The following WWOX variants were observed in gnomAD, a reference collection of about 807,000 sequenced individuals.
The protein encoded by WWOX is WW domain containing oxidoreductase.
In WWOX, 69 loss-of-function variants were observed where a neutral mutation model predicts 46.2. That is an observed-to-expected ratio of 1.49 (90% CI 1.23 to 1.82). WWOX has a LOEUF of 1.82. WWOX is among the 40% of genes most tolerant of loss of function. WWOX has a pLI of 0.00. For synonymous variants in WWOX, 359 were observed against 202.6 expected (o/e 1.77, Z -6.56); for missense variants, 919 against 542.6 (o/e 1.69, Z -6.89).
At chr16:78,454,680 T>TC in intron 8 of WWOX, among the ~76,000 whole-genome samples, 1 of 152,058 alleles carries the variant, frequency 6.6e-6, no homozygotes, top group South Asian at 2.1e-4. Context: ...GAATTTTTTT[T>TC]TGTATTTTTA....
rs971501423 is a variant in WWOX at position 79,202,185 on chromosome 16, A to T, written c.1057-9423A>T. On this transcript the variant is annotated intron_variant, in intron 8 of 8. Transcript: ENST00000566780. ...AGACATTATATGGGCCACAGAGCCT[A>T]AATTACTTAATCTCTGGCCCTTTGC... Among the ~76,000 whole-genome samples the T allele has an allele frequency of 7.2e-5, 11 of 152,324 alleles. No individual in the cohort carries two copies. In the East Asian group the frequency reaches 1.9e-3, roughly 27 times the overall value.
At position 79,061,272 on chromosome 16, in the gene WWOX, G is replaced by C. The variant is rs561527599; in HGVS notation, c.1057-150336G>C. Among the ~76,000 whole-genome samples the C allele has an allele frequency of 2.7e-3, 410 of 152,284 alleles. 1 individual carries two copies. Among genetic ancestry groups the C allele is most frequent in the Non-Finnish European group, 4.7e-3 (323 of 68,028 alleles). On this transcript the variant is annotated intron_variant, in intron 8 of 8. Transcript: ENST00000566780. ...CCAAATTTATGGTTGGTGCAGACTG[G>C]ATTTTTACAATTTGTGCTTAGTAGT...
chr16:79,016,923 C>G (rs945332462), intron 8 of WWOX: 1 of 152,184 alleles, frequency 6.6e-6, no homozygotes. Flanking sequence ...TGGGGTCGAA[C>G]TCCTGACCTC....
At chr16:78,382,114 C>T (rs890468083) in intron 5 of WWOX, among the ~76,000 whole-genome samples, 7 of 152,004 alleles carry the variant, frequency 4.6e-5, no homozygotes, top group African/African-American at 1.7e-4. Context: ...TAGGAGTTGG[C>T]CTGAAACAAG....
intron 8 of WWOX, among the ~76,000 whole-genome samples, chr16:78,769,521 A>AC (rs547969685): frequency 8.6e-5 from 3 of 35,024 alleles, no homozygotes; most frequent in African/African-American, 3.1e-4. Flanking sequence ...CCTCCCACCC[A>AC]CCCCCCACAT....
At chr16:79,021,647 G>T (rs546723842) in intron 8 of WWOX, among the ~76,000 whole-genome samples, 1 of 152,126 alleles carries the variant, frequency 6.6e-6, no homozygotes, top group Non-Finnish European at 1.5e-5. Context: ...TTTCGATTGC[G>T]ACAAACACAC....
intron 8 of WWOX, among the ~76,000 whole-genome samples, chr16:79,123,695 A>G (rs564327156): frequency 6.6e-6 from 1 of 152,190 alleles, no homozygotes; most frequent in East Asian, 1.9e-4. Flanking sequence ...TGGACCCTTT[A>G]CCTGTCAGCT....
intron 8 of WWOX, among the ~76,000 whole-genome samples, chr16:78,614,858 A>G (rs528909408): frequency 1.4e-4 from 21 of 152,222 alleles, no homozygotes; most frequent in Non-Finnish European, 2.6e-4. Flanking sequence ...ATAGGTATAC[A>G]TGTGCCATGG....
chr16:79,164,539 A>G (rs1021970599), intron 8 of WWOX, among the ~76,000 whole-genome samples: 9 of 152,162 alleles, frequency 5.9e-5, no homozygotes, highest in South Asian at 2.1e-4. Context: ...AGGACCTTCT[A>G]TCAGGCCAAG....
chr16:78,458,034 G>C (rs1191815871), intron 8 of WWOX, among the ~76,000 whole-genome samples: 3 of 150,034 alleles, frequency 2.0e-5, no homozygotes, highest in African/African-American at 7.5e-5. Flanking sequence ...CCAAGATGGT[G>C]CCACTGCACT....
chr16:78,792,801 A>C (rs1485392521), intron 8 of WWOX, among the ~76,000 whole-genome samples: 2 of 152,112 alleles, frequency 1.3e-5, no homozygotes, highest in Non-Finnish European at 2.9e-5. Context: ...GATCCTCACC[A>C]AGATTGCCAG....
chr16:78,499,950 G>A (rs527892989), intron 8 of WWOX, among the ~76,000 whole-genome samples: 15 of 152,236 alleles, frequency 9.9e-5, no homozygotes, highest in South Asian at 6.2e-4. Context: ...GGTCCTTACC[G>A]TTCTGAGGCC....
At chr16:78,541,515 C>T (rs2151528007) in intron 8 of WWOX, among the ~76,000 whole-genome samples, 1 of 132,224 alleles carries the variant, frequency 7.6e-6, no homozygotes, top group African/African-American at 2.8e-5. Flanking sequence ...AAGACACGTA[C>T]ACAGACAAAT....
At chr16:78,127,931 C>T (rs1271194885) in intron 4 of WWOX, among the ~76,000 whole-genome samples, 1 of 152,174 alleles carries the variant, frequency 6.6e-6, no homozygotes, top group East Asian at 1.9e-4. Flanking sequence ...CCATCTGAGC[C>T]TTAATTTCCT....
intron 8 of WWOX, among the ~76,000 whole-genome samples, chr16:78,467,473 A>G (rs1017346907): frequency 1.1e-4 from 16 of 152,234 alleles, no homozygotes; most frequent in African/African-American, 3.9e-4. Flanking sequence ...AGGCAGGATC[A>G]AAGGACCTCT....
chr16:79,088,810 C>T (rs1156343116), intron 8 of WWOX, among the ~76,000 whole-genome samples: 2 of 152,170 alleles, frequency 1.3e-5, no homozygotes, highest in African/African-American at 4.8e-5. Flanking sequence ...AATTCATCGT[C>T]CACCCAACGG....
chr16:78,645,945 G>T (rs1057468831), intron 8 of WWOX, among the ~76,000 whole-genome samples: 1 of 152,110 alleles, frequency 6.6e-6, no homozygotes, highest in African/African-American at 2.4e-5. Flanking sequence ...AAAACCAGCA[G>T]TGCAGCGTCT....
chr16:79,112,912 C>G (rs1249624391), intron 8 of WWOX, among the ~76,000 whole-genome samples: 2 of 152,178 alleles, frequency 1.3e-5, no homozygotes, highest in Non-Finnish European at 2.9e-5. Flanking sequence ...TGCAGCGCAG[C>G]TCAGCACAGC....
At chr16:78,386,970 T>G in intron 6 of WWOX, 22 bp downstream of exon 6, 1 of 1,602,954 alleles carries the variant, frequency 6.2e-7, no homozygotes, top group Non-Finnish European at 8.5e-7. Flanking sequence ...AGTGGAGGGT[T>G]ATAGATCATA....
Sources: allele counts gnomAD v4.1 joint callset (sites outside exome capture counted in the v4.1 genomes callset), GRCh38; gene constraint gnomAD v4.1.1; transcripts MANE v1.5; gene names NCBI Gene and HGNC (gene_info 2026-07-23, HGNC 2026-07-21).